STON2: variants seen among roughly 807,000 people sequenced by gnomAD.
STON2 encodes the protein stonin-2.
STON2 carries 29 observed loss-of-function variants against 65.7 expected under a neutral mutation model. That is an observed-to-expected ratio of 0.44 (90% CI 0.33 to 0.60). STON2 has a LOEUF of 0.60. STON2 is among the 20% of genes least tolerant of loss of function. STON2 has a pLI of 0.03. For synonymous variants in STON2, 404 were observed against 414.2 expected (o/e 0.98, Z 0.30); for missense variants, 1,054 against 1,118.1 (o/e 0.94, Z 0.82).
At chr14:81,294,415 G>A (rs189555616) in intron 5 of STON2, among the ~76,000 whole-genome samples, 11 of 152,212 alleles carry the variant, frequency 7.2e-5, no homozygotes, top group Middle Eastern at 6.8e-3. Flanking sequence ...TTAAGAGCAC[G>A]GACTATGGCT....
chr14:81,396,274 G>C (rs1004591471), intron 2 of STON2, 96 bp from the exon 3 acceptor site: 3 of 1,180,214 alleles, frequency 2.5e-6, no homozygotes, highest in African/African-American at 3.1e-5. Flanking sequence ...TGGGGTGCCC[G>C]CATGACTCGC....
intron 3 of STON2, among the ~76,000 whole-genome samples, chr14:81,382,546 G>C (rs995047866): frequency 2.0e-5 from 3 of 148,230 alleles, no homozygotes; most frequent in African/African-American, 7.9e-5. Flanking sequence ...GTGATACAGA[G>C]GGGAGGGAAG....
intron 4 of STON2, among the ~76,000 whole-genome samples, chr14:81,362,194 C>T (rs1016563688): frequency 7.2e-5 from 11 of 152,176 alleles, no homozygotes; most frequent in African/African-American, 2.7e-4. Context: ...ATGTTCACTA[C>T]AGCACTATTA....
chr14:81,315,024 T>C (rs889411275), intron 5 of STON2, among the ~76,000 whole-genome samples: 1 of 152,134 alleles, frequency 6.6e-6, no homozygotes. Flanking sequence ...ACCTCCATTT[T>C]GCATTCTTGG....
At chr14:81,295,104 C>A (rs1226642163) in intron 5 of STON2, among the ~76,000 whole-genome samples, 1 of 152,096 alleles carries the variant, frequency 6.6e-6, no homozygotes, top group East Asian at 1.9e-4. Context: ...GTGGGCGGAT[C>A]ACGAGGTCAG....
At chr14:81,337,087 C>A (rs1279034235) in intron 4 of STON2, among the ~76,000 whole-genome samples, 1 of 152,120 alleles carries the variant, frequency 6.6e-6, no homozygotes, top group African/African-American at 2.4e-5. Context: ...ACGAAAGTGT[C>A]TGGCAGTGCC....
intron 5 of STON2, among the ~76,000 whole-genome samples, chr14:81,308,796 A>G (rs549461584): frequency 5.6e-5 from 1 of 17,886 alleles, no homozygotes; most frequent in Admixed American, 6.8e-4. Context: ...ATATATATAT[A>G]TATATATATA....
intron 4 of STON2, among the ~76,000 whole-genome samples, chr14:81,345,762 A>G (rs1897787653): frequency 7.0e-6 from 1 of 142,878 alleles, no homozygotes; most frequent in African/African-American, 2.5e-5. Flanking sequence ...CTTTGTCTCA[A>G]AAAAAAAAAA....
rs1275944785 is a variant in STON2 at position 81,266,907 on chromosome 14, T to C, written c.*1507A>G. The C allele has an allele frequency of 4.1e-6, 4 of 981,926 alleles. No individual in the cohort carries two copies. The highest frequency in any genetic ancestry group is 6.2e-5 in the Admixed American group (1 of 16,248). The allele number at this position is 981,926 out of a possible 1,614,324, so 60.8% of individuals were successfully genotyped here. A position where few individuals can be genotyped will look rare whatever the true frequency, so the allele number is the denominator to read the frequency against. On this transcript the variant is annotated 3_prime_UTR_variant, in exon 8 of 8. Coordinates refer to ENST00000614646, the MANE Select transcript of STON2 (RefSeq NM_001394390.1). The stretch of plus-strand genomic sequence containing the variant: ...AAAACCCAGAATATAGGGTTTCTCA[T>C]TAATGCCTATTCAATCATCATTTTA...
At chr14:81,434,126 C>G (rs533016257) in intron 1 of STON2, among the ~76,000 whole-genome samples, 1 of 152,088 alleles carries the variant, frequency 6.6e-6, no homozygotes, top group Non-Finnish European at 1.5e-5. Context: ...TGTGCCACGG[C>G]GCCTCCATTC....
At chr14:81,352,103 C>A (rs1385669008) in intron 4 of STON2, among the ~76,000 whole-genome samples, 1 of 152,066 alleles carries the variant, frequency 6.6e-6, no homozygotes, top group Admixed American at 6.6e-5. Flanking sequence ...ATCAGCACTT[C>A]TTTATTAACA....
chr14:81,388,167 C>T (rs1041851449), intron 3 of STON2, among the ~76,000 whole-genome samples: 33 of 151,758 alleles, frequency 2.2e-4, no homozygotes, highest in Admixed American at 4.6e-4. Flanking sequence ...CCAGGCTGGT[C>T]TCAAACTCCT....
chr14:81,274,995 C>T (rs1379962773), intron 6 of STON2, among the ~76,000 whole-genome samples: 1 of 152,008 alleles, frequency 6.6e-6, no homozygotes, highest in East Asian at 1.9e-4. Context: ...GAGGAGACAT[C>T]CATTAGTCTC....
chr14:81,272,837 G>A (rs1894653904), intron 6 of STON2, among the ~76,000 whole-genome samples: 1 of 152,130 alleles, frequency 6.6e-6, no homozygotes, highest in African/African-American at 2.4e-5. Flanking sequence ...ATTTCATTCT[G>A]AATGAACTAG....
intron 1 of STON2, among the ~76,000 whole-genome samples, chr14:81,399,556 C>T (rs1053823459): frequency 6.6e-6 from 1 of 152,068 alleles, no homozygotes; most frequent in African/African-American, 2.4e-5. Flanking sequence ...GTGGGAAAAT[C>T]GGTAAAAACA....
chr14:81,268,669 T>C (rs1894453463), intron 7 of STON2, 172 bp from the exon 8 acceptor site: 1 of 982,912 alleles, frequency 1.0e-6, no homozygotes. Context: ...TCTCTCTCTT[T>C]GCACATGTTC....
chr14:81,263,055 T>C lies in STON2; in HGVS notation c.*5359A>G. The C allele has an allele frequency of 1.0e-6, 1 of 985,334 alleles. No individual in the cohort carries two copies. Among genetic ancestry groups the C allele is most frequent in the African/African-American group, 1.7e-5 (1 of 57,364 alleles). 61.0% of individuals were successfully genotyped at this position (985,334 alleles called of 1,614,324 possible). A position where few individuals can be genotyped will look rare whatever the true frequency, so the allele number is the denominator to read the frequency against. On this transcript the variant is annotated 3_prime_UTR_variant, in exon 8 of 8. Coordinates refer to ENST00000614646, the MANE Select transcript of STON2 (RefSeq NM_001394390.1). Reference sequence around the variant, plus strand: ...GGGTCGTCATGGTTTGAATGGGACTTAGTAGTAAAGTGTGTGAGACAGTGC... The same window carrying C: ...GGGTCGTCATGGTTTGAATGGGACTCAGTAGTAAAGTGTGTGAGACAGTGC...
chr14:81,406,491 T>C (rs539573919), intron 2 of STON2, among the ~76,000 whole-genome samples: 4 of 152,270 alleles, frequency 2.6e-5, no homozygotes, highest in South Asian at 2.1e-4. Context: ...TGGTCTACAA[T>C]AGCAGAGTTG....
chr14:81,312,013 C>CTG (rs1423861158), intron 5 of STON2, among the ~76,000 whole-genome samples: 4 of 152,098 alleles, frequency 2.6e-5, no homozygotes, highest in East Asian at 1.9e-4. Flanking sequence ...CAGAATGGAC[C>CTG]TGTGTGTGTG....
Sources: gnomAD v4.1 joint callset for allele counts (sites outside exome capture counted in the v4.1 genomes callset) on GRCh38, gnomAD v4.1.1 for gene constraint, MANE v1.5 for transcripts, NCBI Gene and HGNC (gene_info 2026-07-23, HGNC 2026-07-21) for gene names.